Variants in PDZRN3 observed in about 807,000 individuals in gnomAD.
PDZRN3 encodes E3 ubiquitin-protein ligase PDZRN3.
PDZRN3 carries 38 observed loss-of-function variants against 85.7 expected under a neutral mutation model. The ratio of observed to expected loss-of-function variants is 0.44; its 90% CI spans 0.34 to 0.58. The LOEUF (loss-of-function observed/expected upper bound fraction) is 0.58. Among genes scored for constraint, PDZRN3 ranks in the 20% least tolerant of loss-of-function variants. The pLI is 0.01. For missense variants in PDZRN3, 1,629 were observed against 1,506.4 expected (o/e 1.08, Z -1.35); for synonymous variants, 759 against 638.0 (o/e 1.19, Z -2.86).
chr3:73,397,034 CTTTCT>C (rs1478466872), intron 5 of PDZRN3, among the ~76,000 whole-genome samples: 1 of 139,254 alleles, frequency 7.2e-6, no homozygotes, highest in African/African-American at 2.5e-5. Flanking sequence ...TCTTCTTTTT[CTTTCT>C]TTTTTTTTTT....
intron 6 of PDZRN3, among the ~76,000 whole-genome samples, chr3:73,390,658 A>T (rs201338998): frequency 3.3e-4 from 26 of 77,670 alleles, no homozygotes; most frequent in Admixed American, 6.5e-4. Flanking sequence ...TGTGTGTGAG[A>T]GAGAGAGAGA....
intron 1 of PDZRN3, among the ~76,000 whole-genome samples, chr3:73,620,721 T>C (rs1420836647): frequency 2.0e-5 from 3 of 151,910 alleles, no homozygotes; most frequent in South Asian, 4.2e-4. Flanking sequence ...GGACTACAGG[T>C]GCCCGCCACC....
intron 3 of PDZRN3, among the ~76,000 whole-genome samples, chr3:73,595,101 C>T (rs563705016): frequency 3.3e-5 from 5 of 152,138 alleles, no homozygotes; most frequent in Non-Finnish European, 7.4e-5. Context: ...ATGTCATTGT[C>T]GTTATGTATA....
At chr3:73,457,806 G>A (rs184870436) in intron 3 of PDZRN3, among the ~76,000 whole-genome samples, 51 of 152,338 alleles carry the variant, frequency 3.3e-4, no homozygotes, top group Admixed American at 1.3e-4. Flanking sequence ...TTCCCACCAT[G>A]TGAGGATGCA....
intron 3 of PDZRN3, among the ~76,000 whole-genome samples, chr3:73,534,138 C>T (rs1306553482): frequency 6.6e-6 from 1 of 152,188 alleles, no homozygotes; most frequent in Non-Finnish European, 1.5e-5. Context: ...AATTAATTTA[C>T]AAGTGAGCAA....
At chr3:73,403,681 A>G (rs1350678412) in intron 4 of PDZRN3, among the ~76,000 whole-genome samples, 2 of 152,196 alleles carry the variant, frequency 1.3e-5, no homozygotes, top group Non-Finnish European at 2.9e-5. Context: ...TGGTTGATGC[A>G]GTACTTAGAT....
At chr3:73,390,820 T>A (rs1033946296) in intron 6 of PDZRN3, among the ~76,000 whole-genome samples, 198 bp downstream of exon 6, 1 of 151,966 alleles carries the variant, frequency 6.6e-6, no homozygotes, top group Non-Finnish European at 1.5e-5. Flanking sequence ...TTCTCAAGGG[T>A]AATTTTGCCA....
chr3:73,392,479 C>T (rs557815514), intron 5 of PDZRN3, among the ~76,000 whole-genome samples: 4 of 152,274 alleles, frequency 2.6e-5, no homozygotes, highest in South Asian at 2.1e-4. Flanking sequence ...TCTAGCAGCT[C>T]GATCATGAGC....
rs201195316 is a variant in PDZRN3, at chr3:73,391,055, G to A, written c.1316C>T (p.Thr439Met). 8.7e-6 allele frequency: 14 copies of A among 1,613,578 alleles called. No individual in the cohort carries two copies. The highest frequency in any genetic ancestry group is 1.3e-5 in the African/African-American group (1 of 75,000). The change falls in exon 6 of 10, where the codon ACG (threonine) becomes ATG (methionine). Residue 439 changes from threonine (T) to methionine (M), a missense_variant. Transcript: ENST00000263666. ...DKLGLTVCYR[T>M]DDEDDIGIYI... ...AATCCCAATGTCGTCTTCATCGTCC[G>A]TCCGGTAGCACACAGTGAGGCCCAG...
chr3:73,503,189 T>C (rs1269139714), intron 3 of PDZRN3, among the ~76,000 whole-genome samples: 1 of 152,184 alleles, frequency 6.6e-6, no homozygotes, highest in African/African-American at 2.4e-5. Flanking sequence ...ATTAAACTAG[T>C]TTTAGATACT....
At position 73,608,603 on chromosome 3, in the gene PDZRN3, T is replaced by G. The variant is rs1219036772; in HGVS notation, c.805A>C (p.Ser269Arg). The change falls in exon 2 of 10, where the codon AGT (serine) becomes CGT (arginine). Residue 269 changes from serine (S) to arginine (R), a missense_variant. Coordinates refer to ENST00000263666, the MANE Select transcript of PDZRN3 (RefSeq NM_015009.3). ...CATTTTAGTAATTAACATACCACAC[T>G]CGGCCGGCCACCAATAATATTGAAT... The part of the protein sequence containing the change: ...LGFNIIGGRP[S>R]VDNHDGSSSE... 1.2e-6 allele frequency: 2 copies of G among 1,605,414 alleles called. No homozygotes were observed. Among genetic ancestry groups the G allele is most frequent in the South Asian group, 2.2e-5 (2 of 90,646 alleles).
chr3:73,513,343 G>T (rs755557814), intron 3 of PDZRN3, among the ~76,000 whole-genome samples: 15 of 152,164 alleles, frequency 9.9e-5, no homozygotes, highest in Non-Finnish European at 1.8e-4. Context: ...ACTGCTCCCG[G>T]TAAATGAAGA....
intron 3 of PDZRN3, among the ~76,000 whole-genome samples, chr3:73,468,410 C>T (rs1284209582): frequency 6.6e-6 from 1 of 152,080 alleles, no homozygotes; most frequent in Non-Finnish European, 1.5e-5. Flanking sequence ...GCACCTTTTC[C>T]CCCCTCTCCA....
rs114949434 is a variant in PDZRN3, at chr3:73,499,628, T to C, written c.919-95233A>G. ...AGTCAATCGCTAGATAAGAAATCGA[T>C]GAAATTTTAATATTGTGGCATCTAA... On this transcript the variant is annotated intron_variant, in intron 3 of 9. Transcript: ENST00000263666. Among the ~76,000 whole-genome samples the C allele has an allele frequency of 3.5e-3, 530 of 152,316 alleles. 5 individuals are homozygous for C. The highest frequency in any genetic ancestry group is 0.011 in the African/African-American group (443 of 41,564).
chr3:73,396,065 A>G (rs1326466178), intron 5 of PDZRN3, among the ~76,000 whole-genome samples: 1 of 152,184 alleles, frequency 6.6e-6, no homozygotes, highest in African/African-American at 2.4e-5. Context: ...TCTACTAAAA[A>G]TACAAAAATT....
chr3:73,573,225 G>T (rs776937560), intron 3 of PDZRN3, among the ~76,000 whole-genome samples: 5 of 152,110 alleles, frequency 3.3e-5, no homozygotes, highest in Non-Finnish European at 7.3e-5. Flanking sequence ...AGATCTCCAG[G>T]GCCTTCAGTT....
At chr3:73,439,185 C>T (rs114684556) in intron 3 of PDZRN3, among the ~76,000 whole-genome samples, 1 of 152,210 alleles carries the variant, frequency 6.6e-6, no homozygotes, top group African/African-American at 2.4e-5. Flanking sequence ...CCAACTTCCT[C>T]CTCTGATGTT....
chr3:73,514,241 C>G (rs554516077), intron 3 of PDZRN3, among the ~76,000 whole-genome samples: 1 of 152,258 alleles, frequency 6.6e-6, no homozygotes, highest in East Asian at 1.9e-4. Flanking sequence ...CTACTTAGTT[C>G]AAGTTGGAAT....
At chr3:73,473,380 A>T (rs539567183) in intron 3 of PDZRN3, among the ~76,000 whole-genome samples, 1 of 152,168 alleles carries the variant, frequency 6.6e-6, no homozygotes, top group South Asian at 2.1e-4. Context: ...GTCTTTGGGT[A>T]TTGACATTTT....
Sources: allele counts gnomAD v4.1 joint callset (sites outside exome capture counted in the v4.1 genomes callset), GRCh38; gene constraint gnomAD v4.1.1; transcripts MANE v1.5; gene names NCBI Gene and HGNC (gene_info 2026-07-23, HGNC 2026-07-21).